Variants in CNTNAP2 observed in about 807,000 individuals in gnomAD.
CNTNAP2 encodes the protein contactin associated protein 2, also known as contactin-associated protein-like 2.
A neutral mutation model predicts 155.2 loss-of-function variants in CNTNAP2; 98 were observed. That is an observed-to-expected ratio of 0.63 (90% CI 0.54 to 0.75). The LOEUF (loss-of-function observed/expected upper bound fraction) is 0.75, where lower values mean the gene tolerates loss of function less well. CNTNAP2 is among the 30% of genes least tolerant of loss of function. The pLI is 0.00. For missense variants in CNTNAP2, 1,727 were observed against 1,688.1 expected (o/e 1.02, Z -0.40); for synonymous variants, 651 against 631.2 (o/e 1.03, Z -0.47).
intron 13 of CNTNAP2, among the ~76,000 whole-genome samples, chr7:147,656,098 A>T (rs1584882395): frequency 6.6e-6 from 1 of 152,214 alleles, no homozygotes; most frequent in Non-Finnish European, 1.5e-5. Context: ...TCTTCTGCAG[A>T]CTTCTCACCT....
At chr7:147,683,792 G>A (rs1795982542) in intron 13 of CNTNAP2, among the ~76,000 whole-genome samples, 1 of 138,838 alleles carries the variant, frequency 7.2e-6, no homozygotes, top group Non-Finnish European at 1.5e-5. Context: ...TCAATATCCT[G>A]TCTTCACTGT....
chr7:147,816,382 G>T (rs1798266974), intron 13 of CNTNAP2, among the ~76,000 whole-genome samples: 1 of 152,076 alleles, frequency 6.6e-6, no homozygotes, highest in South Asian at 2.1e-4. Context: ...GTCTGAGATT[G>T]CTGTTTGGAA....
intron 3 of CNTNAP2, among the ~76,000 whole-genome samples, chr7:146,958,025 A>T (rs561491452): frequency 6.6e-6 from 1 of 152,180 alleles, no homozygotes; most frequent in African/African-American, 2.4e-5. Flanking sequence ...TATAGCGTAC[A>T]ATTTCACTAT....
In CNTNAP2 at chr7:146,901,474, A is replaced by G. The variant is rs367916649; in HGVS notation, c.402+61570A>G. Among the ~76,000 whole-genome samples the G allele has an allele frequency of 1.8e-4, 28 of 152,350 alleles. 1 individual carries two copies. The East Asian group carries it at 4.0e-3, about 22-fold the overall frequency. ...AATTAAAGAGCATTACACTTTGTCA[A>G]TGTTCTAAATAATGGAACATGCAAT... On this transcript the variant is annotated intron_variant, in intron 3 of 23. Transcript: ENST00000361727.
chr7:147,208,344 A>G (rs1286374066), intron 8 of CNTNAP2, among the ~76,000 whole-genome samples: 1 of 152,020 alleles, frequency 6.6e-6, no homozygotes, highest in African/African-American at 2.4e-5. Flanking sequence ...TCCAGGATAT[A>G]TTTTTATACT....
At chr7:148,227,812 A>C (rs1482272842) in intron 19 of CNTNAP2, among the ~76,000 whole-genome samples, 1 of 152,080 alleles carries the variant, frequency 6.6e-6, no homozygotes. Flanking sequence ...TGATTATTCT[A>C]ACAAATGTTC....
At chr7:147,698,065 AT>A (rs1796187852) in intron 13 of CNTNAP2, among the ~76,000 whole-genome samples, 1 of 151,704 alleles carries the variant, frequency 6.6e-6, no homozygotes, top group Admixed American at 6.6e-5. Flanking sequence ...CTGCTCATGG[AT>A]TTCTGTTTGG....
At chr7:147,620,977 G>A (rs1794837722) in intron 12 of CNTNAP2, among the ~76,000 whole-genome samples, 1 of 152,116 alleles carries the variant, frequency 6.6e-6, no homozygotes, top group Non-Finnish European at 1.5e-5. Flanking sequence ...GATTCTAAAA[G>A]CAACAAGAGA....
At chr7:146,310,046 G>A (rs1563032444) in intron 1 of CNTNAP2, among the ~76,000 whole-genome samples, 1 of 152,072 alleles carries the variant, frequency 6.6e-6, no homozygotes, top group African/African-American at 2.4e-5. Context: ...CTGTATGTTT[G>A]TCTTATATAA....
chr7:146,473,756 C>CCCCCCA (rs1246101728), intron 1 of CNTNAP2, among the ~76,000 whole-genome samples: 7 of 152,176 alleles, frequency 4.6e-5, no homozygotes, highest in African/African-American at 1.7e-4. Flanking sequence ...GTATGTTTTT[C>CCCCCCA]CCCCCATTTT....
intron 8 of CNTNAP2, among the ~76,000 whole-genome samples, chr7:147,246,751 A>G (rs1804079174): frequency 6.6e-6 from 1 of 152,212 alleles, no homozygotes; most frequent in South Asian, 2.1e-4. Context: ...ATCTCATCCT[A>G]AAATAACCTC....
At chr7:146,629,144 G>A (rs1010624933) in intron 1 of CNTNAP2, among the ~76,000 whole-genome samples, 1 of 152,116 alleles carries the variant, frequency 6.6e-6, no homozygotes, top group Non-Finnish European at 1.5e-5. Flanking sequence ...ATAACATGCT[G>A]AATGTCATAT....
chr7:147,355,534 T>C (rs1228493357), intron 9 of CNTNAP2, among the ~76,000 whole-genome samples: 3 of 151,816 alleles, frequency 2.0e-5, no homozygotes, highest in African/African-American at 7.3e-5. Context: ...ACAAAATAGA[T>C]AGACTGCTAG....
intron 8 of CNTNAP2, among the ~76,000 whole-genome samples, chr7:147,181,360 C>T (rs1176753127): frequency 6.6e-6 from 1 of 152,168 alleles, no homozygotes; most frequent in Non-Finnish European, 1.5e-5. Context: ...TTAGAATTCA[C>T]ATAGATATAT....
At chr7:147,220,709 TC>T (rs1382228307) in intron 8 of CNTNAP2, among the ~76,000 whole-genome samples, 2 of 152,128 alleles carry the variant, frequency 1.3e-5, no homozygotes, top group African/African-American at 4.8e-5. Flanking sequence ...AAATTACACT[TC>T]TTTTTTTTTA....
At chr7:148,312,342 T>G (rs576900276) in intron 21 of CNTNAP2, among the ~76,000 whole-genome samples, 1 of 152,180 alleles carries the variant, frequency 6.6e-6, no homozygotes, top group African/African-American at 2.4e-5. Flanking sequence ...GTTTTTATGA[T>G]AATTATGCTG....
intron 13 of CNTNAP2, among the ~76,000 whole-genome samples, chr7:147,868,196 TAGTC>T (rs1344486521): frequency 1.8e-4 from 27 of 152,194 alleles, no homozygotes; most frequent in African/African-American, 6.5e-4. Flanking sequence ...TTCCGTCTAA[TAGTC>T]AGGTCCCTCA....
intron 4 of CNTNAP2, among the ~76,000 whole-genome samples, chr7:147,102,866 T>G (rs975261149): frequency 1.3e-5 from 2 of 151,124 alleles, no homozygotes; most frequent in Admixed American, 6.6e-5. Context: ...CCACCAGAGT[T>G]GTGTCTGTTC....
intron 3 of CNTNAP2, among the ~76,000 whole-genome samples, chr7:146,937,193 C>T (rs1481695269): frequency 6.6e-6 from 1 of 151,700 alleles, no homozygotes; most frequent in Non-Finnish European, 1.5e-5. Flanking sequence ...TAAGACCATC[C>T]TGGCTAACAC....
Sources: gnomAD v4.1 joint callset for allele counts (sites outside exome capture counted in the v4.1 genomes callset) on GRCh38, gnomAD v4.1.1 for gene constraint, MANE v1.5 for transcripts, NCBI Gene and HGNC (gene_info 2026-07-23, HGNC 2026-07-21) for gene names.